Variants in NOP14 observed in about 807,000 individuals in gnomAD.
NOP14 encodes NOP14 nucleolar protein, also known as nucleolar protein 14.
In NOP14, 57 loss-of-function variants were observed where a neutral mutation model predicts 101.6. The observed-to-expected ratio is 0.56, with a 90% CI of 0.45 to 0.70. The LOEUF is 0.70. Ranked by LOEUF, NOP14 falls within the 30% of genes least tolerant of loss-of-function variation. The probability of loss-of-function intolerance (pLI) is 0.00; values close to 1 mark genes in which losing one functional copy is unlikely to be tolerated. For synonymous variants in NOP14, 428 were observed against 424.0 expected (o/e 1.01, Z -0.12); for missense variants, 1,134 against 1,075.5 (o/e 1.05, Z -0.76).
chr4:2,959,327 T>C lies in NOP14; in HGVS notation c.196-1587A>G, dbSNP rs554685000. ...CACCTTTGGGGCCGGGCGCGGTGGC[T>C]CACGCCTGTAATTCCAGCACTCTGG... On this transcript the variant is annotated intron_variant, in intron 1 of 17. Transcript: ENST00000416614. Among the ~76,000 whole-genome samples the C allele has an allele frequency of 5.9e-5, 9 of 152,300 alleles. No homozygotes were observed. In the South Asian group the frequency reaches 6.2e-4, roughly 11 times the overall value.
At chr4:2,939,371 A>G (rs1713955132) in intron 16 of NOP14, 28 bp from the exon 17 acceptor site, 1 of 1,613,826 alleles carries the variant, frequency 6.2e-7, no homozygotes. Flanking sequence ...CTGTTAAGGA[A>G]GCAAGAGTCT....
chr4:2,938,450 G>A lies in NOP14; in HGVS notation c.*381C>T. On this transcript the variant is annotated 3_prime_UTR_variant, in exon 18 of 18. Coordinates refer to ENST00000416614, the MANE Select transcript of NOP14 (RefSeq NM_001291978.2). Reference sequence around the variant, plus strand: ...CAGGAGAATCGCTTGAACCCAGGAGGTGGAGGTTGTGCCATTGCACTCCAG... The same window carrying A: ...CAGGAGAATCGCTTGAACCCAGGAGATGGAGGTTGTGCCATTGCACTCCAG... 2.9e-6 allele frequency: 1 copy of A among 349,638 alleles called. No homozygotes were observed. Among genetic ancestry groups the A allele is most frequent in the Non-Finnish European group, 5.6e-6 (1 of 179,438 alleles). The allele number at this position is 349,638 out of a possible 1,614,324, so 21.7% of individuals were successfully genotyped here. A position where few individuals can be genotyped will look rare whatever the true frequency, so the allele number is the denominator to read the frequency against.
At chr4:2,943,642 G>A (rs1388036383) in intron 13 of NOP14, among the ~76,000 whole-genome samples, 2 of 152,252 alleles carry the variant, frequency 1.3e-5, no homozygotes, top group African/African-American at 2.4e-5. Flanking sequence ...TGAGCTGCAC[G>A]AGAACTTTCA....
At position 2,952,357 on chromosome 4, in the gene NOP14, T is replaced by G; in HGVS notation, c.788A>C (p.Glu263Ala). ...YDMMVRELGFEMKAQPSNRMK... is the reference protein window; with the variant it reads ...YDMMVRELGFAMKAQPSNRMK... The stretch of plus-strand genomic sequence containing the variant: ...CCTGTTAGAGGGCTGCGCCTTCATT[T>G]CAAAGCCAAGCTCGCGAACCATCAT... The change falls in exon 6 of 18, where the codon GAA (glutamate) becomes GCA (alanine). Residue 263 changes from glutamate (E) to alanine (A), a missense_variant. Coordinates refer to ENST00000416614, the MANE Select transcript of NOP14 (RefSeq NM_001291978.2). 1.2e-6 allele frequency: 2 copies of G among 1,613,318 alleles called. No homozygotes were observed. Among genetic ancestry groups the G allele is most frequent in the Non-Finnish European group, 1.7e-6 (2 of 1,179,450 alleles).
rs1389633135 is a variant in NOP14, at chr4:2,946,512, G to T, written c.1535C>A (p.Ser512Tyr). ...LYHLCQMFPESASDAIKFVLR... is the reference protein window; with the variant it reads ...LYHLCQMFPEYASDAIKFVLR... Reference sequence around the variant, plus strand: ...AACAAATTTGATAGCGTCACTTGCAGATTCAGGAAACATCTGGCAAAGATG... The same window carrying T: ...AACAAATTTGATAGCGTCACTTGCATATTCAGGAAACATCTGGCAAAGATG... The change falls in exon 11 of 18, where the codon TCT becomes TAT. Residue 512 changes from serine (S) to tyrosine (Y), a missense_variant. Coordinates refer to ENST00000416614, the MANE Select transcript of NOP14 (RefSeq NM_001291978.2). 1.9e-6 allele frequency: 3 copies of T among 1,614,092 alleles called. No individual in the cohort carries two copies. The highest frequency in any genetic ancestry group is 8.5e-7 in the Non-Finnish European group (1 of 1,179,938).
chr4:2,957,933 G>A (rs1715458989), intron 1 of NOP14, among the ~76,000 whole-genome samples, 193 bp from the exon 2 acceptor site: 1 of 152,156 alleles, frequency 6.6e-6, no homozygotes, highest in Admixed American at 6.6e-5. Context: ...CAACTTTCAA[G>A]GATAATGGGG....
At chr4:2,960,825 T>C (rs1452162409) in intron 1 of NOP14, among the ~76,000 whole-genome samples, 10 of 75,440 alleles carry the variant, frequency 1.3e-4, no homozygotes, top group African/African-American at 6.8e-4. Flanking sequence ...AATCACATTA[T>C]CAATATATTA....
chr4:2,943,354 G>A (rs1714364803), intron 13 of NOP14, among the ~76,000 whole-genome samples: 1 of 152,236 alleles, frequency 6.6e-6, no homozygotes, highest in Admixed American at 6.5e-5. Context: ...GAGCCTTGAG[G>A]TCCAACCTCT....
chr4:2,944,185 G>A lies in NOP14; in HGVS notation c.1779C>T (p.Phe593=), dbSNP rs371137582. Residue 593 remains phenylalanine, a synonymous_variant, in exon 13 of 18, where the codon TTC becomes TTT. Coordinates refer to ENST00000416614, the MANE Select transcript of NOP14 (RefSeq NM_001291978.2). ...CATACTCCAGGAACAGGCAGCACACGAACAGGCCCTTCACCACGTCCTGGA... is the reference window on the plus strand; with the variant it reads ...CATACTCCAGGAACAGGCAGCACACAAACAGGCCCTTCACCACGTCCTGGA... ...LSLQDVVKGL[F]VCCLFLEYVA... 10 of 1,613,938 alleles carry A rather than the reference G, an allele frequency of 6.2e-6. No homozygotes were observed. Among genetic ancestry groups the A allele is most frequent in the Admixed American group, 3.3e-5 (2 of 59,984 alleles).
At chr4:2,959,397 CCTGGGTAACAT>C (rs1715560690) in intron 1 of NOP14, among the ~76,000 whole-genome samples, 1 of 152,052 alleles carries the variant, frequency 6.6e-6, no homozygotes. Flanking sequence ...TCAAGACCAT[CCTGGGTAACAT>C]GGTGAAACCC....
intron 14 of NOP14, 31 bp from the exon 15 acceptor site, chr4:2,941,760 A>T: frequency 6.2e-7 from 1 of 1,602,690 alleles, no homozygotes; most frequent in Non-Finnish European, 8.5e-7. Context: ...AGGAGGTCCA[A>T]CTTGTTCTGT....
intron 1 of NOP14, among the ~76,000 whole-genome samples, chr4:2,959,194 A>G (rs962466629): frequency 1.3e-5 from 2 of 152,232 alleles, no homozygotes; most frequent in African/African-American, 4.8e-5. Context: ...TTTCTTCAAG[A>G]ATATTTCAAG....
chr4:2,960,725 C>CACATTA (rs1715699891), intron 1 of NOP14, among the ~76,000 whole-genome samples: 1 of 109,004 alleles, frequency 9.2e-6, no homozygotes, highest in Admixed American at 9.3e-5. Flanking sequence ...ATATTATAAT[C>CACATTA]ACATTAATAT....
At chr4:2,940,012 A>G (rs1714030967) in intron 15 of NOP14, among the ~76,000 whole-genome samples, 1 of 152,208 alleles carries the variant, frequency 6.6e-6, no homozygotes, top group African/African-American at 2.4e-5. Context: ...CTTGGCACGA[A>G]AGGCCGTGAG....
chr4:2,946,563 G>A lies in NOP14; in HGVS notation c.1500-16C>T, dbSNP rs1270029522. On this transcript the variant is annotated splice_polypyrimidine_tract_variant and intron_variant, in intron 10 of 17. Coordinates refer to ENST00000416614, the MANE Select transcript of NOP14 (RefSeq NM_001291978.2). ...ATATAAGTGCCTGTTAAGCAGAAATGTAAAGTCAGGAGAGAATGACTTTAG... is the reference window on the plus strand; with the variant it reads ...ATATAAGTGCCTGTTAAGCAGAAATATAAAGTCAGGAGAGAATGACTTTAG... 1 of 1,613,380 alleles carries A rather than the reference G, an allele frequency of 6.2e-7. No homozygotes were observed. Among genetic ancestry groups the A allele is most frequent in the Non-Finnish European group, 8.5e-7 (1 of 1,179,514 alleles).
rs753239124 is a variant in NOP14, at chr4:2,957,685, C to A, written c.251G>T (p.Arg84Ile). The change falls in exon 2 of 18, where the codon AGA becomes ATA. Residue 84 changes from arginine (R) to isoleucine (I), a missense_variant. Physicochemically the swap from Arg to Ile is moderately conservative, Grantham distance 97. Coordinates refer to ENST00000416614, the MANE Select transcript of NOP14 (RefSeq NM_001291978.2). Reference sequence around the variant, plus strand: ...GTTGTATTCTCCGAAGCGTTTATCTCTGAATACATTGGATTTATCCCTTTC... The same window carrying A: ...GTTGTATTCTCCGAAGCGTTTATCTATGAATACATTGGATTTATCCCTTTC... ...YKERDKSNVF[R>I]DKRFGEYNSN... 6.2e-7 allele frequency: 1 copy of A among 1,614,104 alleles called. No homozygotes were observed. Among genetic ancestry groups the A allele is most frequent in the Non-Finnish European group, 8.5e-7 (1 of 1,179,960 alleles).
In NOP14 at chr4:2,938,943, A is replaced by G. The variant is rs368088224; in HGVS notation, c.2475-13T>C. 4.0e-5 allele frequency: 64 copies of G among 1,610,110 alleles called. 1 individual carries two copies. The African/African-American group carries it at 6.7e-4, about 17-fold the overall frequency. On this transcript the variant is annotated splice_polypyrimidine_tract_variant and intron_variant, in intron 17 of 17. Transcript: ENST00000416614. ...TCTTTCCGCATCCCTAAAAGAAACA[A>G]AAGGCAAATGCCCATTTTTGGATTA...
intron 13 of NOP14, among the ~76,000 whole-genome samples, chr4:2,942,655 G>A (rs1196394035): frequency 3.3e-5 from 5 of 152,168 alleles, no homozygotes; most frequent in South Asian, 2.1e-4. Context: ...GGCCACATCC[G>A]GGAACAGACT....
intron 3 of NOP14, among the ~76,000 whole-genome samples, chr4:2,955,122 A>G (rs1224640204): frequency 1.5e-3 from 165 of 109,338 alleles, no homozygotes; most frequent in East Asian, 2.9e-3. Flanking sequence ...CCTGCGCCAC[A>G]GCGCCCCCTC....
Sources: allele counts gnomAD v4.1 joint callset (sites outside exome capture counted in the v4.1 genomes callset), GRCh38; gene constraint gnomAD v4.1.1; transcripts MANE v1.5; gene names NCBI Gene and HGNC (gene_info 2026-07-23, HGNC 2026-07-21).